The following PRELID2 variants were observed in gnomAD, a reference collection of about 807,000 sequenced individuals.
PRELID2 encodes the protein PRELI domain-containing protein 2.
Under a neutral mutation model 28.4 loss-of-function variants are expected in PRELID2, and 25 were observed. That is an observed-to-expected ratio of 0.88 (90% CI 0.64 to 1.23). The LOEUF is 1.23. Among genes scored for constraint, PRELID2 ranks in the 50% most tolerant of loss-of-function variants. The probability of loss-of-function intolerance (pLI) is 0.00; values close to 1 mark genes in which losing one functional copy is unlikely to be tolerated. For missense variants in PRELID2, 201 were observed against 214.4 expected (o/e 0.94, Z 0.39); for synonymous variants, 76 against 71.6 (o/e 1.06, Z -0.31).
intron 1 of PRELID2, among the ~76,000 whole-genome samples, chr5:145,483,143 A>AT (rs1355019104): frequency 6.6e-6 from 1 of 152,102 alleles, no homozygotes; most frequent in Admixed American, 6.6e-5. Context: ...ACAATTGTTG[A>AT]TGTCTCCTTG....
In PRELID2 at chr5:145,829,058, TG is replaced by T. The variant is rs1243135696; in HGVS notation, c.76-5925del. The stretch of plus-strand genomic sequence containing the variant: ...GTGTGGTTTGGGGTTTTGTTGTTGT[TG>T]GTGGTGGTGGTGGTGGTGGTGGTAG... On this transcript the variant is annotated intron_variant, in intron 1 of 6. Coordinates refer to ENST00000683046, the MANE Select transcript of PRELID2 (RefSeq NM_205846.3). Among the ~76,000 whole-genome samples, 15 of 148,950 alleles carry T rather than the reference TG, an allele frequency of 1.0e-4. No individual in the cohort carries two copies. In the South Asian group the frequency reaches 3.2e-3, roughly 31 times the overall value.
chr5:145,398,671 C>T, the PRELID2 span, among the ~76,000 whole-genome samples: 3 of 152,048 alleles, frequency 2.0e-5, no homozygotes, highest in Non-Finnish European at 4.4e-5. Flanking sequence ...GACATAGCAA[C>T]AAACAATGTT....
the PRELID2 span, among the ~76,000 whole-genome samples, chr5:145,403,025 C>A: frequency 6.6e-6 from 1 of 152,152 alleles, no homozygotes. Context: ...TTTGGACCCA[C>A]TTCCTTGAGC....
rs1757413464 is a variant in PRELID2 at position 145,760,337 on chromosome 5, A to G, written c.*199T>C. ...AGGTCTTATCTCCCTGAGTCCCACT[A>G]TTCGAAGCAGGCTCCCAGAGGAGGG... On this transcript the variant is annotated 3_prime_UTR_variant, in exon 7 of 7. Transcript: ENST00000683046. The G allele has an allele frequency of 6.6e-6, 1 of 152,140 alleles. No individual in the cohort carries two copies. Among genetic ancestry groups the G allele is most frequent in the Non-Finnish European group, 1.5e-5 (1 of 68,006 alleles). 9.4% of individuals were successfully genotyped at this position (152,140 alleles called of 1,614,324 possible).
In PRELID2 at chr5:145,739,234, G is replaced by A. The variant is rs1198319131; in HGVS notation, n.70+25697C>T. Among the ~76,000 whole-genome samples the A allele has an allele frequency of 2.6e-5, 4 of 152,130 alleles. No homozygotes were observed. The East Asian group carries it at 5.8e-4, about 22-fold the overall frequency. Reference sequence around the variant, plus strand: ...AGAAATTTTGAGAGGGGCTGGGTGCGGTGGCTCACGCCTGTAATCCCAGCA... The same window carrying A: ...AGAAATTTTGAGAGGGGCTGGGTGCAGTGGCTCACGCCTGTAATCCCAGCA... On this transcript the variant is annotated intron_variant and non_coding_transcript_variant, in intron 1 of 2. Transcript: ENST00000510259.
chr5:145,524,911 C>T (rs1158516650), intron 1 of PRELID2, among the ~76,000 whole-genome samples: 1 of 152,150 alleles, frequency 6.6e-6, no homozygotes, highest in Non-Finnish European at 1.5e-5. Context: ...TAGTGCACAT[C>T]GGACCCCTAC....
chr5:145,740,625 TA>T (rs367982077), intron 1 of PRELID2, among the ~76,000 whole-genome samples: 388 of 12,400 alleles, frequency 0.031, 11 homozygotes, highest in Non-Finnish European at 0.098. Flanking sequence ...AATATATATA[TA>T]TTATATATAT....
chr5:145,800,337 A>C lies in PRELID2; in HGVS notation c.369-3790T>G, dbSNP rs557900229. Among the ~76,000 whole-genome samples, 6 of 115,484 alleles carry C rather than the reference A, an allele frequency of 5.2e-5. No individual in the cohort carries two copies. The East Asian group carries it at 1.2e-3, about 24-fold the overall frequency. The allele number at this position is 115,484 out of a possible 152,430, so 75.8% of individuals were successfully genotyped here. A position where few individuals can be genotyped will look rare whatever the true frequency, so the allele number is the denominator to read the frequency against. The stretch of plus-strand genomic sequence containing the variant: ...ACACACACACACACACACACACACG[A>C]GTTATCCCATCCACTCTGACATAAA... On this transcript the variant is annotated intron_variant, in intron 4 of 6. Transcript: ENST00000683046.
chr5:145,526,706 C>T (rs1340028176), intron 1 of PRELID2, among the ~76,000 whole-genome samples: 2 of 152,104 alleles, frequency 1.3e-5, no homozygotes, highest in African/African-American at 2.4e-5. Context: ...ATGATAAAAA[C>T]AGCAAGTAGT....
chr5:145,434,582 T>A, the PRELID2 span, among the ~76,000 whole-genome samples: 1 of 152,190 alleles, frequency 6.6e-6, no homozygotes, highest in African/African-American at 2.4e-5. Context: ...ACTAACCAGG[T>A]CTAGAGAAAA....
intron 1 of PRELID2, among the ~76,000 whole-genome samples, chr5:145,567,214 T>C (rs1336491222): frequency 1.3e-5 from 2 of 152,200 alleles, no homozygotes; most frequent in African/African-American, 4.8e-5. Context: ...CCTATTGATA[T>C]GGTTAGGGTT....
chr5:145,692,956 C>A (rs1401275186), intron 1 of PRELID2, among the ~76,000 whole-genome samples: 2 of 152,080 alleles, frequency 1.3e-5, no homozygotes, highest in East Asian at 3.9e-4. Context: ...GGATTTCTAG[C>A]AGAAGCAACC....
At chr5:145,681,135 A>ATCCTTGAAAAATGC (rs1267815631) in intron 1 of PRELID2, among the ~76,000 whole-genome samples, 1 of 152,232 alleles carries the variant, frequency 6.6e-6, no homozygotes, top group Non-Finnish European at 1.5e-5. Context: ...GTCAAAAATG[A>ATCCTTGAAAAATGC]TCCTTGAAAA....
In PRELID2 at chr5:145,724,600, AATATATATATATATATAT is replaced by A. The variant is rs59677300; in HGVS notation, n.70+40313_70+40330del. 5.8e-3 allele frequency among the ~76,000 whole-genome samples: 143 copies of A among 24,774 alleles called. 7 individuals are homozygous for A. Among genetic ancestry groups the A allele is most frequent in the Non-Finnish European group, 5.4e-3 (57 of 10,502 alleles). 16.3% of individuals were successfully genotyped at this position (24,774 alleles called of 152,430 possible). On this transcript the variant is annotated intron_variant and non_coding_transcript_variant, in intron 1 of 2. Coordinates refer to the PRELID2 transcript ENST00000510259. ...ACACTGAAATAACAAGAAGTAAATA[AATATATATATATATATAT>A]ATATATATATATATATATATATATA... is the stretch of plus-strand genomic sequence containing the variant.
At chr5:145,542,984 C>A (rs1260298479) in intron 1 of PRELID2, among the ~76,000 whole-genome samples, 2 of 152,048 alleles carry the variant, frequency 1.3e-5, no homozygotes, top group Non-Finnish European at 2.9e-5. Flanking sequence ...TCTTACCAAG[C>A]AAGCTGTGTA....
At chr5:145,341,360 G>T in the PRELID2 span, among the ~76,000 whole-genome samples, 1 of 151,938 alleles carries the variant, frequency 6.6e-6, no homozygotes, top group Non-Finnish European at 1.5e-5. Flanking sequence ...AAAAAACTTA[G>T]AAAAAACAAT....
At chr5:145,673,550 A>C (rs1754753306) in intron 1 of PRELID2, among the ~76,000 whole-genome samples, 1 of 152,136 alleles carries the variant, frequency 6.6e-6, no homozygotes, top group Non-Finnish European at 1.5e-5. Flanking sequence ...ATGTACACAC[A>C]CCCCACATCA....
rs184298557 is a variant in PRELID2 at position 145,550,521 on chromosome 5, C to T, written n.71-77206G>A. Among the ~76,000 whole-genome samples the T allele has an allele frequency of 2.5e-4, 38 of 152,252 alleles. No individual in the cohort carries two copies. In the East Asian group the frequency reaches 6.4e-3, roughly 26 times the overall value. On this transcript the variant is annotated intron_variant and non_coding_transcript_variant, in intron 1 of 2. Coordinates refer to the PRELID2 transcript ENST00000510259. Reference sequence around the variant, plus strand: ...GACCAGGAGATAAGGCTGCAGTGAGCTATGATTGTGCCACTGCCCTCTAAC... The same window carrying T: ...GACCAGGAGATAAGGCTGCAGTGAGTTATGATTGTGCCACTGCCCTCTAAC...
chr5:145,524,855 C>G (rs182167328), intron 1 of PRELID2, among the ~76,000 whole-genome samples: 8 of 152,292 alleles, frequency 5.3e-5, no homozygotes, highest in African/African-American at 1.9e-4. Flanking sequence ...CTCTACAAAA[C>G]AGAAATAATA....
Sources: allele counts gnomAD v4.1 joint callset (sites outside exome capture counted in the v4.1 genomes callset), GRCh38; gene constraint gnomAD v4.1.1; transcripts MANE v1.5; gene names NCBI Gene and HGNC (gene_info 2026-07-23, HGNC 2026-07-21).